The following CABYR variants were observed in gnomAD, a reference collection of about 807,000 sequenced individuals.
The protein encoded by CABYR is calcium-binding tyrosine phosphorylation-regulated protein.
A neutral mutation model predicts 36.1 loss-of-function variants in CABYR; 31 were observed. The observed-to-expected ratio is 0.86, with a 90% CI of 0.64 to 1.16. The LOEUF is 1.16. Among genes scored for constraint, CABYR ranks in the 50% most tolerant of loss-of-function variants. The probability of loss-of-function intolerance (pLI) is 0.00; values close to 1 mark genes in which losing one functional copy is unlikely to be tolerated. For missense variants in CABYR, 429 were observed against 455.8 expected (o/e 0.94, Z 0.53); for synonymous variants, 146 against 160.7 (o/e 0.91, Z 0.69).
chr18:24,140,680 C>T (rs2085296063), intron 1 of CABYR, among the ~76,000 whole-genome samples: 1 of 151,854 alleles, frequency 6.6e-6, no homozygotes, highest in Non-Finnish European at 1.5e-5. Flanking sequence ...CCCCACTTTC[C>T]CCCTCCCCCA....
intron 3 of CABYR, among the ~76,000 whole-genome samples, chr18:24,151,539 G>A (rs770151877): frequency 9.9e-5 from 15 of 152,144 alleles, no homozygotes; most frequent in Admixed American, 6.5e-4. Flanking sequence ...AAACATTAGA[G>A]AAAAGCTTTT....
chr18:24,154,426 T>C (rs56122516), intron 3 of CABYR, among the ~76,000 whole-genome samples: 14,947 of 152,234 alleles, frequency 0.098, 1,025 homozygotes, highest in Middle Eastern at 0.27. Flanking sequence ...AGGGAGGTAA[T>C]GATAGATGTG....
chr18:24,156,540 G>A, intron 4 of CABYR: 2 of 1,614,180 alleles, frequency 1.2e-6, no homozygotes, highest in Non-Finnish European at 1.7e-6. Context: ...TCCCAAATCT[G>A]TAGTAGAAAA....
At chr18:24,160,463 A>G (rs2085929289) in intron 5 of CABYR, among the ~76,000 whole-genome samples, 1 of 152,190 alleles carries the variant, frequency 6.6e-6, no homozygotes, top group South Asian at 2.1e-4. Flanking sequence ...AAGGTAAGAG[A>G]GAAAGTCTTG....
At position 24,157,199 on chromosome 18, in the gene CABYR, A is replaced by AT. The variant is rs2085812832; in HGVS notation, c.541+1157_541+1158insT. ...GGAGTGATTTTAAAGTGATGTCCCC[A>AT]AAGCCTGGCCTCAGAGTTTGGTCAT... On this transcript the variant is annotated intron_variant, in intron 4 of 5. Coordinates refer to ENST00000399496, the MANE Select transcript of CABYR (RefSeq NM_153769.3). Among the ~76,000 whole-genome samples the AT allele has an allele frequency of 5.9e-5, 9 of 152,330 alleles. No individual in the cohort carries two copies. The South Asian group carries it at 1.9e-3, about 32-fold the overall frequency.
chr18:24,155,902 C>T lies in CABYR; in HGVS notation c.401C>T (p.Thr134Met), dbSNP rs779314323. 21 of 1,614,036 alleles carry T rather than the reference C, an allele frequency of 1.3e-5. No individual in the cohort carries two copies. The highest frequency in any genetic ancestry group is 4.0e-5 in the African/African-American group (3 of 74,922). ...TATGCTGTGCCAGGCACTGAGCAAA[C>T]GGAAGCAGTTGGTGGTCTTTCTTCC... ...SVYAVPGTEQTEAVGGLSSKP... is the reference protein window; with the variant it reads ...SVYAVPGTEQMEAVGGLSSKP... The change falls in exon 4 of 6, where the codon ACG (threonine) becomes ATG (methionine). Residue 134 changes from threonine (T) to methionine (M), a missense_variant. Thr to Met is a moderately conservative substitution (Grantham distance 81). Coordinates refer to ENST00000399496, the MANE Select transcript of CABYR (RefSeq NM_153769.3).
Position 24,145,926 on chromosome 18 carries a change from T to A in CABYR, c.199+2513T>A, listed in dbSNP as rs141762395. Among the ~76,000 whole-genome samples the A allele has an allele frequency of 3.8e-3, 586 of 152,234 alleles. 3 individuals carry two copies. Among genetic ancestry groups the A allele is most frequent in the African/African-American group, 0.014 (569 of 41,520 alleles). On this transcript the variant is annotated intron_variant, in intron 3 of 5. Coordinates refer to ENST00000399496, the MANE Select transcript of CABYR (RefSeq NM_153769.3). Reference sequence around the variant, plus strand: ...TGAAGTATGCCCACTTCAACAGAATTTAGAATCAAATCTCAAGAGGATCAA... The same window carrying A: ...TGAAGTATGCCCACTTCAACAGAATATAGAATCAAATCTCAAGAGGATCAA...
At chr18:24,141,719 G>A (rs1245881885) in intron 1 of CABYR, among the ~76,000 whole-genome samples, 1 of 152,032 alleles carries the variant, frequency 6.6e-6, no homozygotes, top group Admixed American at 6.6e-5. Context: ...TGATTTTTTA[G>A]GAGTCAGAAT....
chr18:24,150,784 T>A (rs1349918327), intron 3 of CABYR, among the ~76,000 whole-genome samples: 1 of 12,528 alleles, frequency 8.0e-5, no homozygotes, highest in East Asian at 5.7e-4. Flanking sequence ...TTGTTTTTTG[T>A]TTTTTTTTTT....
intron 4 of CABYR, among the ~76,000 whole-genome samples, chr18:24,157,885 A>AT (rs1167755694): frequency 6.6e-6 from 1 of 152,128 alleles, no homozygotes; most frequent in African/African-American, 2.4e-5. Flanking sequence ...CCAACCCCCC[A>AT]TTCCTTTTGC....
intron 3 of CABYR, among the ~76,000 whole-genome samples, chr18:24,147,941 A>G (rs1016282745): frequency 6.6e-6 from 1 of 152,210 alleles, no homozygotes; most frequent in Non-Finnish European, 1.5e-5. Context: ...ATATAATTTA[A>G]TAATAAGTAT....
At chr18:24,153,552 C>A (rs2145875270) in intron 3 of CABYR, among the ~76,000 whole-genome samples, 1 of 152,100 alleles carries the variant, frequency 6.6e-6, no homozygotes, top group African/African-American at 2.4e-5. Flanking sequence ...GTGATGGCAG[C>A]CTATTCTTTC....
intron 3 of CABYR, among the ~76,000 whole-genome samples, chr18:24,154,102 CAA>C (rs33985751): frequency 0.026 from 1,494 of 57,274 alleles, 14 homozygotes; most frequent in African/African-American, 0.093. Context: ...GACTCCATCT[CAA>C]AAAAAAAAAA....
chr18:24,143,110 C>T lies in CABYR; in HGVS notation c.-5C>T. 2 of 1,598,764 alleles carry T rather than the reference C, an allele frequency of 1.3e-6. No homozygotes were observed. On this transcript the variant is annotated 5_prime_UTR_variant, in exon 2 of 6. Coordinates refer to ENST00000399496, the MANE Select transcript of CABYR (RefSeq NM_153769.3). ...TTCTAGTTGAGTTACAGACATCCTG[C>T]CAAAATGATTTCTTCAAAGCCCAGA...
intron 3 of CABYR, among the ~76,000 whole-genome samples, chr18:24,153,638 A>C (rs1364823868): frequency 6.6e-6 from 1 of 152,006 alleles, no homozygotes; most frequent in Non-Finnish European, 1.5e-5. Context: ...TTGAAATCAG[A>C]TTACTTGATT....
intron 3 of CABYR, among the ~76,000 whole-genome samples, chr18:24,153,715 T>TA (rs1423522913): frequency 6.6e-6 from 1 of 152,152 alleles, no homozygotes; most frequent in East Asian, 1.9e-4. Context: ...GTGGCTTATC[T>TA]ATCTGGCTTT....
At position 24,147,468 on chromosome 18, in the gene CABYR, A is replaced by C. The variant is rs116042417; in HGVS notation, c.199+4055A>C. On this transcript the variant is annotated intron_variant, in intron 3 of 5. Transcript: ENST00000399496. ...TAGCTTTGTACTGTAGGTTCTAATC[A>C]GTGCCATAAGGCAAACAAATTTTTT... Among the ~76,000 whole-genome samples, 1,233 of 152,338 alleles carry C rather than the reference A, an allele frequency of 8.1e-3. 19 individuals carry two copies. The highest frequency in any genetic ancestry group is 0.028 in the African/African-American group (1,172 of 41,590).
intron 4 of CABYR, 31 bp downstream of exon 4, chr18:24,156,073 C>T (rs1430228115): frequency 1.2e-6 from 2 of 1,614,182 alleles, no homozygotes; most frequent in Non-Finnish European, 8.5e-7. Flanking sequence ...TCTGATCAAT[C>T]TGATGTGTTA....
At chr18:24,153,971 C>T (rs759243702) in intron 3 of CABYR, among the ~76,000 whole-genome samples, 10 of 151,582 alleles carry the variant, frequency 6.6e-5, no homozygotes, top group Non-Finnish European at 1.2e-4. Flanking sequence ...GGCATGGTGG[C>T]AGGTGCCCAT....
Sources: allele counts gnomAD v4.1 joint callset (sites outside exome capture counted in the v4.1 genomes callset), GRCh38; gene constraint gnomAD v4.1.1; transcripts MANE v1.5; gene names NCBI Gene and HGNC (gene_info 2026-07-23, HGNC 2026-07-21).